The following ITGA4 variants were observed in gnomAD, a reference collection of about 807,000 sequenced individuals.
ITGA4 encodes the protein integrin subunit alpha 4.
Under a neutral mutation model 133.6 loss-of-function variants are expected in ITGA4, and 63 were observed. The observed-to-expected ratio is 0.47, with a 90% CI of 0.38 to 0.58. ITGA4 has a LOEUF of 0.58. Ranked by LOEUF, ITGA4 falls within the 20% of genes least tolerant of loss-of-function variation. ITGA4 has a pLI of 0.00. For synonymous variants in ITGA4, 483 were observed against 438.0 expected (o/e 1.10, Z -1.28); for missense variants, 1,076 against 1,252.7 (o/e 0.86, Z 2.13).
intron 15 of ITGA4, among the ~76,000 whole-genome samples, chr2:181,507,778 A>C (rs1380988197): frequency 6.6e-6 from 1 of 152,114 alleles, no homozygotes; most frequent in Non-Finnish European, 1.5e-5. Flanking sequence ...AAATCTGTAC[A>C]TGTTCAGCAC....
intron 2 of ITGA4, among the ~76,000 whole-genome samples, chr2:181,466,063 T>A (rs1685404572): frequency 6.6e-6 from 1 of 152,122 alleles, no homozygotes; most frequent in African/African-American, 2.4e-5. Context: ...GGGCACATTT[T>A]TCAGCTTTAG....
At chr2:181,520,891 C>T (rs968093529) in intron 17 of ITGA4, among the ~76,000 whole-genome samples, 2 of 152,074 alleles carry the variant, frequency 1.3e-5, no homozygotes, top group African/African-American at 4.8e-5. Flanking sequence ...TAATTAAAAG[C>T]AGAAATTTTG....
At position 181,480,200 on chromosome 2, in the gene ITGA4, A is replaced by G. The variant is rs1171579465; in HGVS notation, c.688A>G (p.Ile230Val). The G allele has an allele frequency of 1.3e-6, 2 of 1,543,816 alleles. No individual in the cohort carries two copies. The highest frequency in any genetic ancestry group is 1.8e-6 in the Non-Finnish European group (2 of 1,141,640). ...YWTGSLFVYN[I>V]TTNKYKAFLD... Reference sequence around the variant, plus strand: ...GACTGGCTCTCTTTTTGTCTACAATATAACTACAAATAAATACAAGGCTTT... The same window carrying G: ...GACTGGCTCTCTTTTTGTCTACAATGTAACTACAAATAAATACAAGGCTTT... The change falls in exon 6 of 28, where the codon ATA (isoleucine) becomes GTA (valine). Residue 230 changes from isoleucine to valine, a missense_variant. Around this residue, in one of 4 missense-constraint regions of ITGA4, gnomAD observed 436 missense variants for 590.7 expected, o/e 0.74. Coordinates refer to ENST00000397033, the MANE Select transcript of ITGA4 (RefSeq NM_000885.6).
In ITGA4 at chr2:181,538,249, A is replaced by C. The variant is rs371788033; in HGVS notation, c.*2722A>C. 2.6e-6 allele frequency: 4 copies of C among 1,549,608 alleles called. No homozygotes were observed. The highest frequency in any genetic ancestry group is 3.6e-6 in the Non-Finnish European group (4 of 1,122,584). On this transcript the variant is annotated 3_prime_UTR_variant, in exon 28 of 28. Transcript: ENST00000397033. ...CTGATAAGTCTTGGATGCAATCTGT[A>C]AAGAAAATACATTATTTCATCAACT...
In ITGA4 at chr2:181,460,566, A is replaced by AATGCGTGTGT. The variant is rs79689303; in HGVS notation, c.319+2249_319+2250insATGCGTGTGT. Among the ~76,000 whole-genome samples the AATGCGTGTGT allele has an allele frequency of 1.4e-5, 2 of 147,958 alleles. 1 individual carries two copies. Among genetic ancestry groups the AATGCGTGTGT allele is most frequent in the East Asian group, 4.1e-4 (2 of 4,904 alleles). ...ATATATAAGCCATCTTCTGTAGAAG[A>AATGCGTGTGT]GTGTGTGTGTGTGTGTGTGTGTGTG... On this transcript the variant is annotated intron_variant, in intron 2 of 27. Coordinates refer to ENST00000397033, the MANE Select transcript of ITGA4 (RefSeq NM_000885.6).
intron 9 of ITGA4, among the ~76,000 whole-genome samples, chr2:181,482,956 G>A (rs1403942108): frequency 6.6e-6 from 1 of 152,026 alleles, no homozygotes; most frequent in Admixed American, 6.6e-5. Context: ...AATCTAATTT[G>A]AAAGAATAAT....
At chr2:181,508,872 G>A (rs1686445405) in intron 15 of ITGA4, among the ~76,000 whole-genome samples, 2 of 151,786 alleles carry the variant, frequency 1.3e-5, no homozygotes, top group Non-Finnish European at 2.9e-5. Context: ...GCTGGGTATG[G>A]TGGCTCACAC....
chr2:181,530,744 A>C lies in ITGA4; in HGVS notation c.2664+95A>C. The C allele has an allele frequency of 4.5e-6, 5 of 1,106,102 alleles. No individual in the cohort carries two copies. In the East Asian group the frequency reaches 9.8e-5, roughly 22 times the overall value. 68.5% of individuals were successfully genotyped at this position (1,106,102 alleles called of 1,614,324 possible). On this transcript the variant is annotated intron_variant, in intron 24 of 27. Transcript: ENST00000397033. The stretch of plus-strand genomic sequence containing the variant: ...AATGGGTTTGAGCTGTCACTTCAAT[A>C]ATAAGAGAGAAGACAAGTTTAGGTA...
At chr2:181,479,816 T>A (rs1685763736) in intron 5 of ITGA4, 1 of 162,720 alleles carries the variant, frequency 6.1e-6, no homozygotes, top group South Asian at 2.0e-4. Flanking sequence ...CACATACGAT[T>A]TTCTTTAATA....
intron 10 of ITGA4, among the ~76,000 whole-genome samples, chr2:181,486,770 A>G (rs1190062918): frequency 1.3e-5 from 2 of 152,196 alleles, no homozygotes; most frequent in Non-Finnish European, 2.9e-5. Context: ...AATAGGTTTA[A>G]GAGGAGAGTG....
chr2:181,465,713 A>G (rs1685395328), intron 2 of ITGA4, among the ~76,000 whole-genome samples: 1 of 152,154 alleles, frequency 6.6e-6, no homozygotes, highest in Non-Finnish European at 1.5e-5. Context: ...GTATAGGTTT[A>G]TTCAAAATGT....
intron 27 of ITGA4, 116 bp downstream of exon 27, chr2:181,535,051 T>C: frequency 1.7e-6 from 2 of 1,171,098 alleles, no homozygotes; most frequent in South Asian, 3.4e-5. Flanking sequence ...TAACTTTTTA[T>C]GTTGCTCAGT....
Position 181,523,322 on chromosome 2 carries a change from C to T in ITGA4, c.2074-115C>T. 1.6e-6 allele frequency: 1 copy of T among 618,912 alleles called. No individual in the cohort carries two copies. Among genetic ancestry groups the T allele is most frequent in the South Asian group, 2.0e-5 (1 of 50,944 alleles). 38.3% of individuals were successfully genotyped at this position (618,912 alleles called of 1,614,324 possible). On this transcript the variant is annotated intron_variant, in intron 18 of 27. Transcript: ENST00000397033. The surrounding 1 kb of genome is among the most constrained non-coding windows in gnomAD (Gnocchi z 4.2). ...AACATATAAATAGAAAATAGTTTTC[C>T]TAGAAAAGCAAATACTTCTGGGATG...
chr2:181,462,668 G>GT (rs1388478334), intron 2 of ITGA4, among the ~76,000 whole-genome samples: 1 of 152,106 alleles, frequency 6.6e-6, no homozygotes, highest in African/African-American at 2.4e-5. Context: ...AAACTATCAG[G>GT]TTACCAGAAA....
In ITGA4 at chr2:181,470,973, ACCAGTACTTGAAAGT is replaced by A. The variant is rs554412989; in HGVS notation, c.320-3986_320-3972del. Among the ~76,000 whole-genome samples the A allele has an allele frequency of 3.1e-3, 479 of 152,290 alleles. 3 individuals carry two copies. Among genetic ancestry groups the A allele is most frequent in the African/African-American group, 0.011 (471 of 41,558 alleles). The stretch of plus-strand genomic sequence containing the variant: ...TTCTCTGAACAGATTCTAACCTGTA[ACCAGTACTTGAAAGT>A]TACCTCAATATTATTGCTGTTGGGG... On this transcript the variant is annotated intron_variant, in intron 2 of 27. Coordinates refer to ENST00000397033, the MANE Select transcript of ITGA4 (RefSeq NM_000885.6).
chr2:181,498,409 A>G (rs184149568), intron 14 of ITGA4: 1 of 299,282 alleles, frequency 3.3e-6, no homozygotes, highest in East Asian at 5.6e-5. Context: ...CCTAGAGGAA[A>G]GTTCATAAAT....
Position 181,512,604 on chromosome 2 carries a change from A to T in ITGA4, c.1922+829A>T, listed in dbSNP as rs189920537. ...AGGCATCTTCAAGGAATTAAAGAGA[A>T]CCAAGTCCCTGGTGAAATAGCCAAT... is the stretch of plus-strand genomic sequence containing the variant. On this transcript the variant is annotated intron_variant, in intron 17 of 27. Coordinates refer to ENST00000397033, the MANE Select transcript of ITGA4 (RefSeq NM_000885.6). Among the ~76,000 whole-genome samples, 5 of 152,230 alleles carry T rather than the reference A, an allele frequency of 3.3e-5. No homozygotes were observed. The East Asian group carries it at 9.7e-4, about 29-fold the overall frequency.
chr2:181,457,385 A>G, upstream of ITGA4: 1 of 405,520 alleles, frequency 2.5e-6, no homozygotes, highest in South Asian at 2.9e-5. Context: ...CCGTACCCGG[A>G]GAAGCAGCGC....
chr2:181,478,871 T>C, intron 5 of ITGA4, 47 bp downstream of exon 5: 1 of 923,822 alleles, frequency 1.1e-6, no homozygotes, highest in South Asian at 2.5e-5. Context: ...ATATAGAATC[T>C]TAATTCTTCT....
Sources: gnomAD v4.1 joint callset for allele counts (sites outside exome capture counted in the v4.1 genomes callset) on GRCh38, gnomAD v4.1.1 for gene constraint, gnomAD v4.1.1 regional missense constraint, Gnocchi (gnomAD v3.1) non-coding constraint, MANE v1.5 for transcripts, NCBI Gene and HGNC (gene_info 2026-07-23, HGNC 2026-07-21) for gene names.